PCBP3: variants seen among roughly 807,000 people sequenced by gnomAD.
The protein encoded by PCBP3 is poly(rC) binding protein 3.
A neutral mutation model predicts 52.7 loss-of-function variants in PCBP3; 25 were observed. The ratio of observed to expected loss-of-function variants is 0.47; its 90% CI spans 0.35 to 0.66. The LOEUF is 0.66. PCBP3 is among the 30% of genes least tolerant of loss of function. The pLI, the probability that PCBP3 is intolerant of heterozygous loss-of-function variation, is 0.01. For synonymous variants in PCBP3, 162 were observed against 183.0 expected (o/e 0.89, Z 0.93); for missense variants, 391 against 490.3 (o/e 0.80, Z 1.91).
intron 2 of PCBP3, among the ~76,000 whole-genome samples, chr21:45,721,412 C>CAAAAA (rs34586187): frequency 3.2e-5 from 3 of 95,106 alleles, no homozygotes; most frequent in East Asian, 3.4e-4. Context: ...GACTCCATCT[C>CAAAAA]AAAAAAAAAA....
intron 2 of PCBP3, among the ~76,000 whole-genome samples, chr21:45,733,608 A>G (rs918321133): frequency 2.0e-5 from 3 of 148,328 alleles, no homozygotes; most frequent in Admixed American, 1.3e-4. Context: ...TTATTTATGT[A>G]TTTATTTATT....
At chr21:45,713,895 T>C (rs1027202050) in intron 2 of PCBP3, among the ~76,000 whole-genome samples, 4 of 152,236 alleles carry the variant, frequency 2.6e-5, no homozygotes, top group African/African-American at 9.7e-5. Flanking sequence ...TTTATTGTTG[T>C]CTTATGAAAG....
intron 2 of PCBP3, among the ~76,000 whole-genome samples, chr21:45,674,983 G>A (rs1286060873): frequency 6.6e-6 from 1 of 152,172 alleles, no homozygotes; most frequent in Non-Finnish European, 1.5e-5. Flanking sequence ...TGCTCTGGAT[G>A]CCACCGCATC....
intron 9 of PCBP3, among the ~76,000 whole-genome samples, chr21:45,908,649 C>A (rs1248154932): frequency 6.6e-6 from 1 of 150,900 alleles, no homozygotes; most frequent in Non-Finnish European, 1.5e-5. Context: ...CCTGTCACTG[C>A]CTCTGCCGCG....
intron 15 of PCBP3, among the ~76,000 whole-genome samples, chr21:45,931,658 C>T (rs1253216557): frequency 3.9e-5 from 6 of 152,122 alleles, no homozygotes; most frequent in Non-Finnish European, 8.8e-5. Context: ...TGAGTGAACA[C>T]GTCGGCCATG....
chr21:45,778,766 G>T (rs766484145), intron 4 of PCBP3, among the ~76,000 whole-genome samples: 10 of 152,174 alleles, frequency 6.6e-5, no homozygotes, highest in Non-Finnish European at 1.2e-4. Flanking sequence ...AAATTGGGCT[G>T]GGTGGGCTTG....
chr21:45,728,698 G>A (rs188286090), intron 2 of PCBP3: 115 of 151,968 alleles, frequency 7.6e-4, no homozygotes, highest in African/African-American at 2.4e-3. Context: ...AAGTCATCTC[G>A]GTCAGCACTT....
chr21:45,862,629 G>A (rs977653203), intron 5 of PCBP3, among the ~76,000 whole-genome samples: 2 of 152,054 alleles, frequency 1.3e-5, no homozygotes, highest in Admixed American at 6.6e-5. Flanking sequence ...ATAAGCAATC[G>A]ACTGACTTTG....
intron 2 of PCBP3, among the ~76,000 whole-genome samples, chr21:45,679,850 A>G (rs532656770): frequency 1.3e-5 from 2 of 152,274 alleles, no homozygotes; most frequent in East Asian, 3.9e-4. Context: ...TGAGTGTGCA[A>G]TTTATTTTCA....
intron 4 of PCBP3, among the ~76,000 whole-genome samples, chr21:45,825,448 G>A (rs182880635): frequency 9.9e-5 from 15 of 152,188 alleles, no homozygotes; most frequent in Admixed American, 6.5e-4. Context: ...TGTGTGACCC[G>A]TGTCCTGCCT....
At position 45,922,010 on chromosome 21, in the gene PCBP3, A is replaced by G. The variant is rs115991280; in HGVS notation, c.717+4381A>G. ...GAGGACTGAAGTCAGGCTCTCCAGTATGGCCACTCGGCAGCCCTGGAGACT... is the reference window on the plus strand; with the variant it reads ...GAGGACTGAAGTCAGGCTCTCCAGTGTGGCCACTCGGCAGCCCTGGAGACT... On this transcript the variant is annotated intron_variant, in intron 13 of 17. Coordinates refer to ENST00000681687, the MANE Select transcript of PCBP3 (RefSeq NM_001384156.1). Among the ~76,000 whole-genome samples, 1,189 of 152,304 alleles carry G rather than the reference A, an allele frequency of 7.8e-3. 15 individuals carry two copies. The highest frequency in any genetic ancestry group is 0.027 in the African/African-American group (1,107 of 41,558).
intron 5 of PCBP3, among the ~76,000 whole-genome samples, chr21:45,886,215 A>G (rs1490913468): frequency 9.7e-6 from 1 of 103,122 alleles, no homozygotes; most frequent in African/African-American, 3.8e-5. Context: ...TGGAGGCCTC[A>G]TTGCTGCGGG....
rs1419723998 is a variant in PCBP3, at chr21:45,738,124, C to T, written c.-162+2695C>T. 2.0e-5 allele frequency among the ~76,000 whole-genome samples: 3 copies of T among 152,182 alleles called. No individual in the cohort carries two copies. The East Asian group carries it at 5.8e-4, about 29-fold the overall frequency. On this transcript the variant is annotated intron_variant, in intron 3 of 17. Transcript: ENST00000681687. ...TAGTGCCAGAGCCCACTCCTAGCCC[C>T]ATGTAGGGGCTGTTTTTCAGCTACA...
chr21:45,671,110 G>C (rs1394925683), intron 2 of PCBP3, among the ~76,000 whole-genome samples: 1 of 152,210 alleles, frequency 6.6e-6, no homozygotes, highest in Non-Finnish European at 1.5e-5. Context: ...CTAGATGCAG[G>C]CATGAAATCT....
At chr21:45,870,601 G>A (rs1195744934) in intron 5 of PCBP3, among the ~76,000 whole-genome samples, 3 of 152,190 alleles carry the variant, frequency 2.0e-5, no homozygotes, top group African/African-American at 7.2e-5. Flanking sequence ...GAAGCTCCTG[G>A]GGTCTGAAGT....
intron 4 of PCBP3, among the ~76,000 whole-genome samples, chr21:45,819,806 T>C (rs1198493539): frequency 6.6e-6 from 1 of 152,234 alleles, no homozygotes; most frequent in Non-Finnish European, 1.5e-5. Flanking sequence ...AGCAGATGGG[T>C]GTGCGGGCAC....
chr21:45,720,499 A>C (rs1185840284), intron 2 of PCBP3, among the ~76,000 whole-genome samples: 3 of 152,220 alleles, frequency 2.0e-5, no homozygotes, highest in Admixed American at 2.0e-4. Flanking sequence ...ATATCTCAGA[A>C]CTTGAGTATA....
chr21:45,815,011 GTGATGAGTGAGTGGTGAGTGAGTGA>G, intron 4 of PCBP3, among the ~76,000 whole-genome samples: 1 of 128,418 alleles, frequency 7.8e-6, no homozygotes, highest in African/African-American at 3.1e-5. Context: ...TGAGTGGTGA[GTGATGAGTGAGTGGTGAGTGAGTGA>G]TGAGTGGTGA....
intron 2 of PCBP3, among the ~76,000 whole-genome samples, chr21:45,702,043 A>G (rs1410419632): frequency 1.1e-4 from 16 of 152,228 alleles, no homozygotes; most frequent in Admixed American, 1.0e-3. Context: ...CCAGCCTCAC[A>G]TGAATAGGTG....
Sources: gnomAD v4.1 joint callset for allele counts (sites outside exome capture counted in the v4.1 genomes callset) on GRCh38, gnomAD v4.1.1 for gene constraint, MANE v1.5 for transcripts, NCBI Gene and HGNC (gene_info 2026-07-23, HGNC 2026-07-21) for gene names.